Variants in FAM107B observed in about 807,000 individuals in gnomAD.
FAM107B encodes protein FAM107B.
In FAM107B, 21 loss-of-function variants were observed where a neutral mutation model predicts 31.5. The ratio of observed to expected loss-of-function variants is 0.67; its 90% CI spans 0.47 to 0.96. The LOEUF (loss-of-function observed/expected upper bound fraction) is 0.96. Among genes scored for constraint, FAM107B ranks in the 40% least tolerant of loss-of-function variants. The pLI is 0.00. For missense variants in FAM107B, 452 were observed against 377.1 expected, an observed-to-expected ratio of 1.20 and a Z score of -1.64; for synonymous variants, 157 against 141.5, an observed-to-expected ratio of 1.11 and a Z score of -0.78.
At chr10:14,525,331 G>A (rs986645044) in intron 3 of FAM107B, among the ~76,000 whole-genome samples, 5 of 148,754 alleles carry the variant, frequency 3.4e-5, no homozygotes, top group Non-Finnish European at 7.4e-5. Context: ...TCGGCTTCTC[G>A]GTCAGGTAGC....
intron 2 of FAM107B, among the ~76,000 whole-genome samples, chr10:14,573,000 G>C (rs986575282): frequency 9.2e-5 from 14 of 151,820 alleles, no homozygotes; most frequent in Non-Finnish European, 1.8e-4. Flanking sequence ...AGCAAGAGTG[G>C]AATTACCATT....
intron 2 of FAM107B, among the ~76,000 whole-genome samples, chr10:14,649,297 T>C (rs1853841110): frequency 6.6e-6 from 1 of 152,244 alleles, no homozygotes; most frequent in Non-Finnish European, 1.5e-5. Flanking sequence ...TACATTTCTT[T>C]GACACATTTT....
rs117227262 is a variant in FAM107B, at chr10:14,732,176, T to C, written c.411+42077A>G. On this transcript the variant is annotated intron_variant, in intron 1 of 4. Transcript: ENST00000181796. ...TATACCACCTCAATCACACTATTGA[T>C]GTTTTACATTCATTTTCTTACAACG... is the stretch of plus-strand genomic sequence containing the variant. Among the ~76,000 whole-genome samples, 1,446 of 152,340 alleles carry C rather than the reference T, an allele frequency of 9.5e-3. 5 individuals carry two copies. Among genetic ancestry groups the C allele is most frequent in the Non-Finnish European group, 0.015 (987 of 68,032 alleles).
intron 2 of FAM107B, among the ~76,000 whole-genome samples, chr10:14,629,640 G>C (rs907873906): frequency 1.3e-5 from 2 of 148,206 alleles, no homozygotes; most frequent in African/African-American, 5.0e-5. Flanking sequence ...AGCCTCCCGA[G>C]TAGCTGGGAC....
chr10:14,768,601 T>C (rs575869880), intron 1 of FAM107B, among the ~76,000 whole-genome samples: 1 of 152,362 alleles, frequency 6.6e-6, no homozygotes, highest in Non-Finnish European at 1.5e-5. Flanking sequence ...AAAAGAATGA[T>C]GGTGGCACCA....
intron 1 of FAM107B, among the ~76,000 whole-genome samples, chr10:14,706,825 C>A (rs1855531298): frequency 6.6e-6 from 1 of 152,120 alleles, no homozygotes; most frequent in Non-Finnish European, 1.5e-5. Context: ...ATGCACCCAA[C>A]TATACACTTA....
rs147442220 is a variant in FAM107B at position 14,710,771 on chromosome 10, A to G, written c.412-43080T>C. On this transcript the variant is annotated intron_variant, in intron 1 of 4. Coordinates refer to ENST00000181796, the MANE Select transcript of FAM107B (RefSeq NM_031453.4). Reference sequence around the variant, plus strand: ...ACAAGATTATAGAGTATGGATATAAAGAAAGAAAAAATATTTTTATAGAGC... The same window carrying G: ...ACAAGATTATAGAGTATGGATATAAGGAAAGAAAAAATATTTTTATAGAGC... Among the ~76,000 whole-genome samples, 541 of 152,312 alleles carry G rather than the reference A, an allele frequency of 3.6e-3. 12 individuals carry two copies. The East Asian group carries it at 0.049, about 14-fold the overall frequency.
At chr10:14,710,961 A>G (rs1051948137) in intron 1 of FAM107B, among the ~76,000 whole-genome samples, 126 of 151,810 alleles carry the variant, frequency 8.3e-4, no homozygotes, top group Admixed American at 2.2e-3. Context: ...CACCCAGACT[A>G]GAGTGCAGTG....
intron 2 of FAM107B, among the ~76,000 whole-genome samples, chr10:14,584,578 C>A (rs190957750): frequency 4.3e-4 from 66 of 152,268 alleles, no homozygotes; most frequent in Non-Finnish European, 6.2e-4. Context: ...AGAAACCACA[C>A]CAAAAGAAAA....
intron 1 of FAM107B, among the ~76,000 whole-genome samples, chr10:14,759,251 A>G (rs1832994186): frequency 6.6e-6 from 1 of 152,178 alleles, no homozygotes; most frequent in South Asian, 2.1e-4. Flanking sequence ...GGCTGCTGAC[A>G]TGCATTCCCA....
At chr10:14,700,164 C>T (rs1855361269) in intron 1 of FAM107B, among the ~76,000 whole-genome samples, 1 of 152,094 alleles carries the variant, frequency 6.6e-6, no homozygotes, top group African/African-American at 2.4e-5. Flanking sequence ...AACTCCTGAC[C>T]TCAAGTGACT....
At chr10:14,692,218 AAGG>A (rs1432397807) in intron 1 of FAM107B, among the ~76,000 whole-genome samples, 2 of 152,138 alleles carry the variant, frequency 1.3e-5, no homozygotes, top group Admixed American at 6.5e-5. Flanking sequence ...GGTGGAAAGA[AAGG>A]AGAAGGGACA....
intron 1 of FAM107B, among the ~76,000 whole-genome samples, chr10:14,768,145 T>G (rs1489713290): frequency 6.6e-6 from 1 of 152,148 alleles, no homozygotes; most frequent in African/African-American, 2.4e-5. Context: ...CTGAAAGAAA[T>G]TAAAGAAGAC....
At chr10:14,701,904 C>T (rs558813048) in intron 1 of FAM107B, among the ~76,000 whole-genome samples, 1 of 152,314 alleles carries the variant, frequency 6.6e-6, no homozygotes, top group African/African-American at 2.4e-5. Flanking sequence ...GAAATTTACT[C>T]CTTGGCCAAG....
rs556728443 is a variant in FAM107B, at chr10:14,741,790, G to A, written c.411+32463C>T. 2.1e-4 allele frequency among the ~76,000 whole-genome samples: 29 copies of A among 138,062 alleles called. No individual in the cohort carries two copies. The Middle Eastern group carries it at 0.025, about 120-fold the overall frequency. The allele number at this position is 138,062 out of a possible 152,430, so 90.6% of individuals were successfully genotyped here. ...GGCTGGAGTGCAGTGGTGCAATCTC[G>A]GCTCACTGCAAGCTCCGCCTCCTGG... On this transcript the variant is annotated intron_variant, in intron 1 of 4. Transcript: ENST00000181796.
At chr10:14,647,270 A>G (rs1011539711) in intron 2 of FAM107B, among the ~76,000 whole-genome samples, 1 of 152,220 alleles carries the variant, frequency 6.6e-6, no homozygotes, top group South Asian at 2.1e-4. Context: ...GGGAGCTGTG[A>G]GGCTCAATTT....
At chr10:14,677,607 C>G (rs568522770) in intron 1 of FAM107B, among the ~76,000 whole-genome samples, 1 of 151,396 alleles carries the variant, frequency 6.6e-6, no homozygotes, top group African/African-American at 2.4e-5. Context: ...GGCGACAGAG[C>G]GAGACTCCGT....
intron 1 of FAM107B, among the ~76,000 whole-genome samples, chr10:14,679,153 A>G (rs1854765970): frequency 6.6e-6 from 1 of 151,516 alleles, no homozygotes; most frequent in South Asian, 2.1e-4. Context: ...TTTTGGAGAG[A>G]GGGGCTCACT....
rs1564295926 is a variant in FAM107B, at chr10:14,767,103, G to GAGAC, written c.411+7149_411+7150insGTCT. ...AGAGAGAGAGAGAGAGAGAGAGACAGAGAGAGAGAGAGAGAGAGTTTCCCT... is the reference window on the plus strand; with the variant it reads ...AGAGAGAGAGAGAGAGAGAGAGACAGAGACAGAGAGAGAGAGAGAGAGTTTCCCT... On this transcript the variant is annotated intron_variant, in intron 1 of 4. Transcript: ENST00000181796. Among the ~76,000 whole-genome samples the GAGAC allele has an allele frequency of 3.9e-4, 47 of 119,170 alleles. 1 individual carries two copies. Among genetic ancestry groups the GAGAC allele is most frequent in the Non-Finnish European group, 5.2e-4 (31 of 59,264 alleles). 78.2% of individuals were successfully genotyped at this position (119,170 alleles called of 152,430 possible).
Sources: allele counts gnomAD v4.1 joint callset (sites outside exome capture counted in the v4.1 genomes callset), GRCh38; gene constraint gnomAD v4.1.1; transcripts MANE v1.5; gene names NCBI Gene and HGNC (gene_info 2026-07-23, HGNC 2026-07-21).